Variants in PSMB7 observed in about 807,000 individuals in gnomAD.
PSMB7 encodes proteasome 20S subunit beta 7, also known as proteasome subunit beta type-7.
A neutral mutation model predicts 28.1 loss-of-function variants in PSMB7; 5 were observed. That is an observed-to-expected ratio of 0.18 (90% CI 0.09 to 0.37). The LOEUF (loss-of-function observed/expected upper bound fraction) is 0.37. Ranked by LOEUF, PSMB7 falls within the 10% of genes least tolerant of loss-of-function variation. The pLI, the probability that PSMB7 is intolerant of heterozygous loss-of-function variation, is 1.00. For missense variants in PSMB7, 275 were observed against 346.2 expected (o/e 0.79, Z 1.63); for synonymous variants, 122 against 123.7 (o/e 0.99, Z 0.09).
At chr9:124,355,132 A>C (rs1048753647) in intron 7 of PSMB7, among the ~76,000 whole-genome samples, 1 of 152,244 alleles carries the variant, frequency 6.6e-6, no homozygotes, top group African/African-American at 2.4e-5. Context: ...CTGGCAAAGA[A>C]GACAACAGAG....
chr9:124,365,393 C>T (rs896683196), intron 6 of PSMB7, among the ~76,000 whole-genome samples: 2 of 152,002 alleles, frequency 1.3e-5, no homozygotes, highest in Non-Finnish European at 2.9e-5. Flanking sequence ...AAAGGGCAGA[C>T]GTGTAGGCAG....
chr9:124,414,010 TA>T lies in PSMB7; in HGVS notation c.157-6del, dbSNP rs561738828. The T allele has an allele frequency of 2.9e-3, 4,271 of 1,456,980 alleles. 4 individuals are homozygous for T. Among genetic ancestry groups the T allele is most frequent in the African/African-American group, 7.6e-3 (535 of 70,256 alleles). The allele number at this position is 1,456,980 out of a possible 1,614,324, so 90.3% of individuals were successfully genotyped here. A position where few individuals can be genotyped will look rare whatever the true frequency, so the allele number is the denominator to read the frequency against. ...TGCTCCAAGAACTATGCCATCCTATTAAAAAAAAAAGTTTTTAAACAATTTT... is the reference window on the plus strand; with the variant it reads ...TGCTCCAAGAACTATGCCATCCTATTAAAAAAAAAGTTTTTAAACAATTTT... On this transcript the variant is annotated splice_region_variant and splice_polypyrimidine_tract_variant and intron_variant, in intron 2 of 7. Transcript: ENST00000259457.
intron 4 of PSMB7, among the ~76,000 whole-genome samples, chr9:124,408,747 A>G (rs527445037): frequency 1.3e-5 from 2 of 152,354 alleles, no homozygotes; most frequent in African/African-American, 4.8e-5. Flanking sequence ...ACAAGGATAT[A>G]TATCTAGAAC....
At chr9:124,381,278 G>A (rs1588573956) in intron 6 of PSMB7, among the ~76,000 whole-genome samples, 1 of 152,238 alleles carries the variant, frequency 6.6e-6, no homozygotes, top group Non-Finnish European at 1.5e-5. Context: ...TCAGGAAACA[G>A]AAAGACTTTG....
intron 6 of PSMB7, chr9:124,383,835 G>A (rs534004435): frequency 1.3e-5 from 2 of 152,158 alleles, no homozygotes; most frequent in East Asian, 1.9e-4. Context: ...CTTATGTGCC[G>A]AATGCTGGTT....
chr9:124,373,758 G>T lies in PSMB7; in HGVS notation c.570+10840C>A, dbSNP rs563532722. On this transcript the variant is annotated intron_variant, in intron 6 of 7. Transcript: ENST00000259457. Reference sequence around the variant, plus strand: ...ATCAAGGATAGAGGATATATGGAAGGATATATGGAAAGGAGGACATATAGA... The same window carrying T: ...ATCAAGGATAGAGGATATATGGAAGTATATATGGAAAGGAGGACATATAGA... Among the ~76,000 whole-genome samples, 90 of 152,290 alleles carry T rather than the reference G, an allele frequency of 5.9e-4. No individual in the cohort carries two copies. The Middle Eastern group carries it at 0.031, about 52-fold the overall frequency.
At chr9:124,398,374 A>G (rs1830862990) in intron 5 of PSMB7, 1 of 221,668 alleles carries the variant, frequency 4.5e-6, no homozygotes, top group Non-Finnish European at 1.0e-5. Flanking sequence ...ACCACGGAAC[A>G]ATGGCTGAAA....
intron 5 of PSMB7, among the ~76,000 whole-genome samples, chr9:124,395,717 A>G (rs1830833769): frequency 6.6e-6 from 1 of 152,206 alleles, no homozygotes; most frequent in African/African-American, 2.4e-5. Flanking sequence ...AAGTAGCTTC[A>G]TTTTAGAAAT....
chr9:124,380,384 C>A (rs1564679694), intron 6 of PSMB7, among the ~76,000 whole-genome samples: 1 of 151,854 alleles, frequency 6.6e-6, no homozygotes, highest in Non-Finnish European at 1.5e-5. Flanking sequence ...TACTAAAATT[C>A]AAAAAAATCT....
At chr9:124,354,199 C>T (rs553617253) in intron 7 of PSMB7, among the ~76,000 whole-genome samples, 38 of 152,318 alleles carry the variant, frequency 2.5e-4, no homozygotes, top group Admixed American at 5.2e-4. Flanking sequence ...AGACTCTGGG[C>T]TTGTCATTTC....
rs1005146957 is a variant in PSMB7, at chr9:124,414,120, C to T, written c.157-115G>A. The T allele has an allele frequency of 2.3e-5, 14 of 607,398 alleles. No individual in the cohort carries two copies. The East Asian group carries it at 2.9e-4, about 12-fold the overall frequency. 37.6% of individuals were successfully genotyped at this position (607,398 alleles called of 1,614,324 possible). A position where few individuals can be genotyped will look rare whatever the true frequency, so the allele number is the denominator to read the frequency against. Reference sequence around the variant, plus strand: ...ACCACATGCTCCCCTAATCTCAAAACGCCAGCCAAAACTCATAGCAAAAAT... The same window carrying T: ...ACCACATGCTCCCCTAATCTCAAAATGCCAGCCAAAACTCATAGCAAAAAT... On this transcript the variant is annotated intron_variant, in intron 2 of 7. Transcript: ENST00000259457.
intron 5 of PSMB7, chr9:124,396,633 T>C (rs1394964342): frequency 2.6e-6 from 1 of 391,852 alleles, no homozygotes; most frequent in African/African-American, 2.1e-5. Flanking sequence ...TGTTTATTCC[T>C]TAAGTCAGTA....
intron 7 of PSMB7, 142 bp from the exon 8 acceptor site, chr9:124,353,851 C>T: frequency 1.5e-6 from 1 of 689,266 alleles, no homozygotes; most frequent in South Asian, 1.7e-5. Context: ...GCTCTGTGAT[C>T]TTGGGGGATT....
At chr9:124,394,559 T>G (rs1191737287) in intron 5 of PSMB7, among the ~76,000 whole-genome samples, 2 of 152,142 alleles carry the variant, frequency 1.3e-5, no homozygotes, top group African/African-American at 4.8e-5. Flanking sequence ...CAGGAGACTT[T>G]GTGGTAAAAT....
At chr9:124,413,677 T>C (rs1004794007) in intron 3 of PSMB7, among the ~76,000 whole-genome samples, 1 of 152,000 alleles carries the variant, frequency 6.6e-6, no homozygotes. Flanking sequence ...TAGGAGGGAA[T>C]GGATTCAAGA....
intron 6 of PSMB7, among the ~76,000 whole-genome samples, chr9:124,368,108 A>G (rs1200371883): frequency 6.6e-6 from 1 of 152,150 alleles, no homozygotes; most frequent in East Asian, 1.9e-4. Flanking sequence ...ATTCTCTTTC[A>G]CCAAAAATTA....
At chr9:124,394,642 G>A (rs1564683148) in intron 5 of PSMB7, among the ~76,000 whole-genome samples, 1 of 152,126 alleles carries the variant, frequency 6.6e-6, no homozygotes, top group African/African-American at 2.4e-5. Flanking sequence ...TCTATAAAAG[G>A]TGTTTAATAT....
chr9:124,398,354 C>T (rs1406865130), intron 5 of PSMB7: 4 of 203,938 alleles, frequency 2.0e-5, no homozygotes, highest in Non-Finnish European at 4.6e-5. Flanking sequence ...GCCAGCCCTG[C>T]ACAGCTACGA....
chr9:124,415,208 GC>G, intron 1 of PSMB7, 155 bp downstream of exon 1: 1 of 809,630 alleles, frequency 1.2e-6, no homozygotes, highest in African/African-American at 1.7e-5. Flanking sequence ...AGAAACCCAC[GC>G]CCAGGCCCTG....
Sources: gnomAD v4.1 joint callset for allele counts (sites outside exome capture counted in the v4.1 genomes callset) on GRCh38, gnomAD v4.1.1 for gene constraint, MANE v1.5 for transcripts, NCBI Gene and HGNC (gene_info 2026-07-23, HGNC 2026-07-21) for gene names.